The following RASEF variants were observed in gnomAD, a reference collection of about 807,000 sequenced individuals.
RASEF encodes the protein ras and EF-hand domain-containing protein.
A neutral mutation model predicts 90.1 loss-of-function variants in RASEF; 68 were observed. The observed-to-expected ratio is 0.75, with a 90% CI of 0.62 to 0.92. The LOEUF (loss-of-function observed/expected upper bound fraction) is 0.92. Ranked by LOEUF, RASEF falls within the 40% of genes least tolerant of loss-of-function variation. The pLI is 0.00. For missense variants in RASEF, 949 were observed against 937.2 expected (o/e 1.01, Z -0.16); for synonymous variants, 331 against 345.2 (o/e 0.96, Z 0.46).
At chr9:83,068,261 C>A in the RASEF span, among the ~76,000 whole-genome samples, 1 of 152,220 alleles carries the variant, frequency 6.6e-6, no homozygotes, top group Admixed American at 6.5e-5. Context: ...GCAGAAAAAG[C>A]AAACTGTGGA....
At chr9:82,995,003 T>C (rs1445582524) in intron 14 of RASEF, among the ~76,000 whole-genome samples, 1 of 152,232 alleles carries the variant, frequency 6.6e-6, no homozygotes, top group African/African-American at 2.4e-5. Flanking sequence ...ATGGAGAAAC[T>C]TCACTGTGCT....
At chr9:83,057,981 CA>C (rs1322801721) in intron 1 of RASEF, among the ~76,000 whole-genome samples, 2 of 150,542 alleles carry the variant, frequency 1.3e-5, no homozygotes, top group African/African-American at 4.9e-5. Context: ...TCTCTCATCT[CA>C]AGGTGACTCA....
At chr9:83,046,528 C>T (rs796515856) in intron 1 of RASEF, among the ~76,000 whole-genome samples, 16 of 152,154 alleles carry the variant, frequency 1.1e-4, no homozygotes, top group African/African-American at 3.4e-4. Context: ...GAAGTACATG[C>T]GATACCAAGA....
At chr9:83,113,113 G>T in the RASEF span, among the ~76,000 whole-genome samples, 5 of 152,108 alleles carry the variant, frequency 3.3e-5, no homozygotes, top group African/African-American at 9.7e-5. Context: ...CTGAACGGAG[G>T]GACCGACTGG....
At chr9:83,195,993 C>T in the RASEF span, among the ~76,000 whole-genome samples, 1 of 151,982 alleles carries the variant, frequency 6.6e-6, no homozygotes, top group Non-Finnish European at 1.5e-5. Flanking sequence ...GAGAGAATGG[C>T]AACTTGGACC....
At chr9:83,003,422 T>C (rs538666630) in intron 9 of RASEF, among the ~76,000 whole-genome samples, 4 of 152,350 alleles carry the variant, frequency 2.6e-5, no homozygotes, top group South Asian at 4.1e-4. Context: ...AAATGAATCA[T>C]GGTGAAATTT....
intron 1 of RASEF, among the ~76,000 whole-genome samples, chr9:83,036,182 C>A (rs1159154459): frequency 1.3e-5 from 2 of 152,210 alleles, no homozygotes; most frequent in Non-Finnish European, 2.9e-5. Flanking sequence ...GGGCAGGAAG[C>A]AGAACACTCA....
the RASEF span, among the ~76,000 whole-genome samples, chr9:83,093,369 C>T: frequency 1.6e-4 from 25 of 152,288 alleles, no homozygotes; most frequent in Non-Finnish European, 3.4e-4. Context: ...CGGGGAGGCT[C>T]GGGCAGCACA....
At chr9:82,999,461 G>A (rs1469537396) in intron 12 of RASEF, among the ~76,000 whole-genome samples, 2 of 152,162 alleles carry the variant, frequency 1.3e-5, no homozygotes, top group Non-Finnish European at 2.9e-5. Flanking sequence ...GGCTGGGATT[G>A]TCAGCCTTCT....
At chr9:83,008,551 T>C (rs1829173852) in intron 6 of RASEF, among the ~76,000 whole-genome samples, 1 of 151,950 alleles carries the variant, frequency 6.6e-6, no homozygotes. Context: ...TCACCAGATG[T>C]TCTGTGGACT....
chr9:83,201,247 T>C, the RASEF span: 3 of 152,204 alleles, frequency 2.0e-5, no homozygotes, highest in Non-Finnish European at 4.4e-5. Context: ...AACACAGTTC[T>C]CCTCCACACA....
At chr9:83,119,438 G>A in the RASEF span, among the ~76,000 whole-genome samples, 2 of 152,090 alleles carry the variant, frequency 1.3e-5, no homozygotes, top group Non-Finnish European at 2.9e-5. Context: ...CTTTATCAGA[G>A]GACCCTTAAT....
At chr9:83,058,717 AATGGGATTGCTGTCC>A (rs1324719553) in intron 1 of RASEF, among the ~76,000 whole-genome samples, 9 of 152,214 alleles carry the variant, frequency 5.9e-5, no homozygotes, top group African/African-American at 2.2e-4. Context: ...TTCCCAATTA[AATGGGATTGCTGTCC>A]AATGGGTGAG....
chr9:83,073,912 G>A, the RASEF span, among the ~76,000 whole-genome samples: 1 of 152,102 alleles, frequency 6.6e-6, no homozygotes, highest in Admixed American at 6.6e-5. Context: ...GTGGTGTTTG[G>A]CATAGAAAAA....
upstream of RASEF, among the ~76,000 whole-genome samples, chr9:83,064,687 G>T (rs1371989887): frequency 6.6e-6 from 1 of 152,098 alleles, no homozygotes; most frequent in African/African-American, 2.4e-5. Flanking sequence ...TTTTTACTCT[G>T]ACCTTTGTGC....
chr9:83,041,675 C>T (rs879273016), intron 1 of RASEF, among the ~76,000 whole-genome samples: 1 of 152,168 alleles, frequency 6.6e-6, no homozygotes, highest in Admixed American at 6.5e-5. Context: ...ATCATCTGTC[C>T]ACTCCACTGC....
the RASEF span, among the ~76,000 whole-genome samples, chr9:83,112,112 C>T: frequency 6.6e-6 from 1 of 151,910 alleles, no homozygotes; most frequent in Non-Finnish European, 1.5e-5. Flanking sequence ...TTAAATCTAT[C>T]AAATAAGCAG....
At chr9:83,031,981 G>T (rs2118601387) in intron 1 of RASEF, among the ~76,000 whole-genome samples, 1 of 152,164 alleles carries the variant, frequency 6.6e-6, no homozygotes, top group South Asian at 2.1e-4. Flanking sequence ...CACCTGATAG[G>T]AAAAGGAAAA....
At chr9:83,039,238 C>A (rs1191306874) in intron 1 of RASEF, among the ~76,000 whole-genome samples, 1 of 152,070 alleles carries the variant, frequency 6.6e-6, no homozygotes, top group Admixed American at 6.6e-5. Flanking sequence ...GAAATCCCTC[C>A]CCTCCTATCC....
Sources: gnomAD v4.1 joint callset for allele counts (sites outside exome capture counted in the v4.1 genomes callset) on GRCh38, gnomAD v4.1.1 for gene constraint, MANE v1.5 for transcripts, NCBI Gene and HGNC (gene_info 2026-07-23, HGNC 2026-07-21) for gene names.